The following MTUS2 variants were observed in gnomAD, a reference collection of about 807,000 sequenced individuals.
MTUS2 encodes the protein microtubule-associated tumor suppressor candidate 2.
Under a neutral mutation model 114.1 loss-of-function variants are expected in MTUS2, and 40 were observed. The observed-to-expected ratio is 0.35, with a 90% CI of 0.27 to 0.46. The LOEUF (loss-of-function observed/expected upper bound fraction) is 0.46. Ranked by LOEUF, MTUS2 falls within the 20% of genes least tolerant of loss-of-function variation. MTUS2 has a pLI of 1.00. For missense variants in MTUS2, 1,679 were observed against 1,705.4 expected, an observed-to-expected ratio of 0.98 and a Z score of 0.27; for synonymous variants, 688 against 672.0, an observed-to-expected ratio of 1.02 and a Z score of -0.37.
At chr13:29,053,723 C>T (rs1390986305) in intron 4 of MTUS2, among the ~76,000 whole-genome samples, 2 of 152,184 alleles carry the variant, frequency 1.3e-5, no homozygotes, top group Non-Finnish European at 2.9e-5. Flanking sequence ...TTGAGATTCA[C>T]TCATGTTATT....
intron 7 of MTUS2, among the ~76,000 whole-genome samples, chr13:29,331,227 GCTCT>G (rs1900764195): frequency 6.6e-6 from 1 of 151,992 alleles, no homozygotes; most frequent in Non-Finnish European, 1.5e-5. Context: ...TCATGATTTG[GCTCT>G]CTGTTTGTCT....
At chr13:29,275,788 T>G (rs1898041996) in intron 5 of MTUS2, among the ~76,000 whole-genome samples, 1 of 152,244 alleles carries the variant, frequency 6.6e-6, no homozygotes, top group Non-Finnish European at 1.5e-5. Flanking sequence ...ACACTTCGGT[T>G]GCTTCCAAAT....
chr13:29,235,930 T>C (rs1467113836), intron 5 of MTUS2, among the ~76,000 whole-genome samples: 1 of 152,206 alleles, frequency 6.6e-6, no homozygotes, highest in African/African-American at 2.4e-5. Context: ...ATATACAACA[T>C]TTTTCTACAA....
intron 4 of MTUS2, among the ~76,000 whole-genome samples, chr13:29,047,568 C>A (rs1387531965): frequency 6.8e-6 from 1 of 147,112 alleles, no homozygotes; most frequent in South Asian, 2.1e-4. Flanking sequence ...GGCTGGAGTG[C>A]AGTGGCGCAA....
chr13:29,222,805 C>T (rs1895959055), intron 5 of MTUS2, among the ~76,000 whole-genome samples: 1 of 152,248 alleles, frequency 6.6e-6, no homozygotes, highest in African/African-American at 2.4e-5. Flanking sequence ...ACTGCCTGAC[C>T]TCTCCCCTCT....
At chr13:29,018,788 CAA>C (rs1239812033) in intron 2 of MTUS2, among the ~76,000 whole-genome samples, 7 of 80,606 alleles carry the variant, frequency 8.7e-5, no homozygotes, top group Admixed American at 2.6e-4. Flanking sequence ...CCGCCCCCTG[CAA>C]AAAAAAAAAA....
At chr13:29,205,626 C>G (rs1895152764) in intron 5 of MTUS2, among the ~76,000 whole-genome samples, 1 of 152,160 alleles carries the variant, frequency 6.6e-6, no homozygotes, top group Non-Finnish European at 1.5e-5. Context: ...ATCCTCATAG[C>G]TTAACTCCCA....
chr13:29,461,664 A>T (rs1879507837), intron 9 of MTUS2, among the ~76,000 whole-genome samples: 1 of 146,790 alleles, frequency 6.8e-6, no homozygotes, highest in African/African-American at 2.7e-5. Context: ...CCAGAATATC[A>T]GGCAGAGTAC....
intron 1 of MTUS2, among the ~76,000 whole-genome samples, chr13:28,824,477 C>T (rs150570810): frequency 1.1e-4 from 16 of 152,282 alleles, no homozygotes; most frequent in African/African-American, 3.6e-4. Flanking sequence ...CTGTAATGTT[C>T]TGTGTCCTTG....
At chr13:29,440,139 T>A in intron 9 of MTUS2, 90 bp downstream of exon 9, 1 of 1,296,676 alleles carries the variant, frequency 7.7e-7, no homozygotes, top group Non-Finnish European at 1.1e-6. Context: ...CCTCCTGTAA[T>A]AAGCCAGTGC....
intron 5 of MTUS2, among the ~76,000 whole-genome samples, chr13:29,191,542 G>A (rs142804382): frequency 6.1e-4 from 93 of 152,168 alleles, no homozygotes; most frequent in African/African-American, 1.9e-3. Context: ...GTGAAGGAGA[G>A]CCACTGAAGT....
intron 5 of MTUS2, among the ~76,000 whole-genome samples, chr13:29,121,431 T>C (rs376552274): frequency 0.03 from 3,351 of 111,356 alleles, 111 homozygotes; most frequent in African/African-American, 0.1. Flanking sequence ...TTTTATGTAA[T>C]GAAATACACA....
chr13:29,281,930 T>A (rs941925437), intron 6 of MTUS2, 65 bp downstream of exon 6: 3 of 1,489,766 alleles, frequency 2.0e-6, no homozygotes, highest in Non-Finnish European at 2.7e-6. Context: ...TAAAAAGTCT[T>A]TTGAAAGCCC....
At chr13:29,400,052 A>C (rs908711225) in intron 8 of MTUS2, among the ~76,000 whole-genome samples, 1 of 152,194 alleles carries the variant, frequency 6.6e-6, no homozygotes, top group African/African-American at 2.4e-5. Flanking sequence ...TGAATGCCTT[A>C]CCAACAACAA....
intron 2 of MTUS2, among the ~76,000 whole-genome samples, chr13:28,974,051 T>C (rs893511483): frequency 1.4e-5 from 2 of 147,950 alleles, no homozygotes; most frequent in Non-Finnish European, 2.9e-5. Flanking sequence ...GTATATTCTC[T>C]CTCCCAATTT....
intron 2 of MTUS2, among the ~76,000 whole-genome samples, chr13:28,978,986 GC>G (rs1884239749): frequency 6.6e-6 from 1 of 152,196 alleles, no homozygotes; most frequent in Admixed American, 6.5e-5. Context: ...GTGGAAAGCA[GC>G]CCCGTGGATC....
intron 5 of MTUS2, among the ~76,000 whole-genome samples, chr13:29,203,176 G>A (rs1895033641): frequency 6.6e-6 from 1 of 152,254 alleles, no homozygotes; most frequent in South Asian, 2.1e-4. Context: ...GCCCCTGACT[G>A]TGGCTGCTGC....
intron 5 of MTUS2, among the ~76,000 whole-genome samples, chr13:29,175,475 A>G (rs899628991): frequency 1.3e-5 from 2 of 152,328 alleles, no homozygotes; most frequent in African/African-American, 2.4e-5. Context: ...TTCTCCACTT[A>G]TACGTGGGCT....
chr13:29,125,703 C>G (rs1213328858), intron 5 of MTUS2, among the ~76,000 whole-genome samples: 3 of 152,174 alleles, frequency 2.0e-5, no homozygotes, highest in Non-Finnish European at 4.4e-5. Flanking sequence ...ATAAAAATCA[C>G]TCAGTAAAAT....
Sources: allele counts gnomAD v4.1 joint callset (sites outside exome capture counted in the v4.1 genomes callset), GRCh38; gene constraint gnomAD v4.1.1; transcripts MANE v1.5; gene names NCBI Gene and HGNC (gene_info 2026-07-23, HGNC 2026-07-21).